Variants in ECH1 observed in about 807,000 individuals in gnomAD.
The protein encoded by ECH1 is delta(3,5)-Delta(2,4)-dienoyl-CoA isomerase, mitochondrial.
Under a neutral mutation model 37.0 loss-of-function variants are expected in ECH1, and 30 were observed. The ratio of observed to expected loss-of-function variants is 0.81; its 90% CI spans 0.61 to 1.10. The LOEUF (loss-of-function observed/expected upper bound fraction) is 1.10, where lower values mean the gene tolerates loss of function less well. Among genes scored for constraint, ECH1 ranks in the 50% least tolerant of loss-of-function variants. ECH1 has a pLI of 0.00. For missense variants in ECH1, 456 were observed against 441.6 expected, an observed-to-expected ratio of 1.03 and a Z score of -0.29; for synonymous variants, 178 against 176.0, an observed-to-expected ratio of 1.01 and a Z score of -0.09.
chr19:38,830,489 T>A (rs955027708), intron 3 of ECH1, among the ~76,000 whole-genome samples: 9 of 152,028 alleles, frequency 5.9e-5, no homozygotes, highest in Non-Finnish European at 7.4e-5. Flanking sequence ...GGCCTTTTTT[T>A]AAAAAAATGA....
chr19:38,817,049 C>T lies in ECH1; in HGVS notation c.588+16G>A, dbSNP rs573647941. Reference sequence around the variant, plus strand: ...CACTGCCCAGCTCTAAGCAGGAGCTCGGGAGGATGACTCACCTTCACCTGG... The same window carrying T: ...CACTGCCCAGCTCTAAGCAGGAGCTTGGGAGGATGACTCACCTTCACCTGG... On this transcript the variant is annotated intron_variant, in intron 6 of 9. Transcript: ENST00000221418. 5.8e-5 allele frequency: 91 copies of T among 1,562,092 alleles called. 1 individual carries two copies. The Middle Eastern group carries it at 6.6e-4, about 11-fold the overall frequency.
chr19:38,819,008 T>TGTGTGCGCGC (rs371773394), intron 3 of ECH1: 3 of 324,380 alleles, frequency 9.2e-6, no homozygotes, highest in African/African-American at 7.1e-5. Flanking sequence ...TGTGTGTGTG[T>TGTGTGCGCGC]GCGGGCACGT....
At chr19:38,822,221 C>A (rs149086795) in intron 3 of ECH1, among the ~76,000 whole-genome samples, 18,456 of 145,484 alleles carry the variant, frequency 0.13, 1,159 homozygotes, top group South Asian at 0.29. Context: ...GGATTGTAAA[C>A]AACCAATCAG....
chr19:38,818,598 C>CTG (rs1665095202), intron 3 of ECH1, among the ~76,000 whole-genome samples: 1 of 152,162 alleles, frequency 6.6e-6, no homozygotes, highest in African/African-American at 2.4e-5. Context: ...AGTGATTCTC[C>CTG]TACCTCAGCC....
At chr19:38,823,227 A>G in intron 3 of ECH1, 1 of 161,532 alleles carries the variant, frequency 6.2e-6, no homozygotes, top group South Asian at 1.8e-4. Flanking sequence ...CGCCTTTAAG[A>G]ACTGTAACAC....
intron 5 of ECH1, 41 bp from the exon 6 acceptor site, chr19:38,817,170 C>A (rs1971589489): frequency 6.4e-7 from 1 of 1,554,356 alleles, no homozygotes; most frequent in South Asian, 1.2e-5. Flanking sequence ...ACCACCAGAA[C>A]CAACCCTGGC....
chr19:38,831,208 A>G (rs1353014217), intron 2 of ECH1, 42 bp from the exon 3 acceptor site: 6 of 1,605,054 alleles, frequency 3.7e-6, no homozygotes, highest in African/African-American at 1.3e-5. Context: ...GGGCGGGAAT[A>G]CCCTGCCCTC....
intron 3 of ECH1, among the ~76,000 whole-genome samples, chr19:38,827,325 C>T (rs1273596995): frequency 6.6e-6 from 1 of 152,116 alleles, no homozygotes; most frequent in Non-Finnish European, 1.5e-5. Context: ...AAATATTTTG[C>T]TTCTGGTTCA....
At chr19:38,821,722 C>T (rs1382479148) in intron 3 of ECH1, among the ~76,000 whole-genome samples, 1 of 152,218 alleles carries the variant, frequency 6.6e-6, no homozygotes, top group Non-Finnish European at 1.5e-5. Context: ...CGGGCCTCAG[C>T]TGCCTCCCTG....
chr19:38,827,712 G>C (rs928587906), intron 3 of ECH1, among the ~76,000 whole-genome samples: 35 of 152,114 alleles, frequency 2.3e-4, no homozygotes, highest in Non-Finnish European at 4.6e-4. Flanking sequence ...CTGTCACCCA[G>C]GCTGGGTGCA....
chr19:38,826,175 A>T (rs1971736188), intron 3 of ECH1, among the ~76,000 whole-genome samples: 1 of 152,160 alleles, frequency 6.6e-6, no homozygotes, highest in African/African-American at 2.4e-5. Context: ...CCACACCCTT[A>T]TTAGGCAGGG....
rs1568356744 is a variant in ECH1 at position 38,817,442 on chromosome 19, TAG to T, written c.474+7_474+8del. The T allele has an allele frequency of 6.2e-7, 1 of 1,613,186 alleles. No individual in the cohort carries two copies. Among genetic ancestry groups the T allele is most frequent in the Non-Finnish European group, 8.5e-7 (1 of 1,179,666 alleles). ...TGGAGAAAGATCCCCTCCAGACCCC[TAG>T]AGTCACCCTCTCGATGACGTTGAAG... On this transcript the variant is annotated splice_region_variant and intron_variant, in intron 4 of 9. Transcript: ENST00000221418.
chr19:38,821,840 G>A (rs184403917), intron 3 of ECH1, among the ~76,000 whole-genome samples: 4 of 152,340 alleles, frequency 2.6e-5, no homozygotes, highest in East Asian at 3.9e-4. Context: ...CCTGCTCGGC[G>A]GCGCCTGGTC....
At chr19:38,823,616 C>T (rs942113706) in intron 3 of ECH1, among the ~76,000 whole-genome samples, 9 of 152,180 alleles carry the variant, frequency 5.9e-5, no homozygotes, top group Non-Finnish European at 1.2e-4. Flanking sequence ...TCTGCTTTTC[C>T]TGTACTTCTG....
intron 3 of ECH1, among the ~76,000 whole-genome samples, chr19:38,821,016 T>C (rs192276540): frequency 6.6e-6 from 1 of 152,306 alleles, no homozygotes; most frequent in East Asian, 1.9e-4. Flanking sequence ...CGGTGGCTCA[T>C]GCCTGTGATC....
At chr19:38,821,094 C>T (rs913762343) in intron 3 of ECH1, among the ~76,000 whole-genome samples, 7 of 152,106 alleles carry the variant, frequency 4.6e-5, no homozygotes, top group African/African-American at 1.4e-4. Flanking sequence ...GCCTGGGCAA[C>T]ATAGCAAGCC....
At chr19:38,828,313 C>T (rs1373841343) in intron 3 of ECH1, among the ~76,000 whole-genome samples, 2 of 152,104 alleles carry the variant, frequency 1.3e-5, no homozygotes. Context: ...CTCACTGCAA[C>T]CTCTGCCTCC....
chr19:38,821,732 G>A (rs1187935574), intron 3 of ECH1, among the ~76,000 whole-genome samples: 1 of 152,218 alleles, frequency 6.6e-6, no homozygotes, highest in Non-Finnish European at 1.5e-5. Flanking sequence ...CTGCCTCCCT[G>A]TGGGGCAGGG....
chr19:38,821,314 G>C (rs1288329611), intron 3 of ECH1, among the ~76,000 whole-genome samples: 2 of 152,100 alleles, frequency 1.3e-5, no homozygotes, highest in Non-Finnish European at 2.9e-5. Context: ...TCTCAAAAAT[G>C]AAAGAAAGAG....
Sources: gnomAD v4.1 joint callset for allele counts (sites outside exome capture counted in the v4.1 genomes callset) on GRCh38, gnomAD v4.1.1 for gene constraint, MANE v1.5 for transcripts, NCBI Gene and HGNC (gene_info 2026-07-23, HGNC 2026-07-21) for gene names.